HGF: variants seen among roughly 807,000 people sequenced by gnomAD.
The protein encoded by HGF is fibroblast-derived tumor cytotoxic factor.
A neutral mutation model predicts 111.6 loss-of-function variants in HGF; 39 were observed. The observed-to-expected ratio is 0.35, with a 90% CI of 0.27 to 0.46. The LOEUF (loss-of-function observed/expected upper bound fraction) is 0.46, where lower values mean the gene tolerates loss of function less well. Among genes scored for constraint, HGF ranks in the 20% least tolerant of loss-of-function variants. The pLI, the probability that HGF is intolerant of heterozygous loss-of-function variation, is 1.00. For missense variants in HGF, 735 were observed against 910.5 expected, an observed-to-expected ratio of 0.81 and a Z score of 2.48; for synonymous variants, 285 against 294.8, an observed-to-expected ratio of 0.97 and a Z score of 0.34.
chr7:81,749,932 G>T (rs1472668194), intron 5 of HGF, among the ~76,000 whole-genome samples: 1 of 151,862 alleles, frequency 6.6e-6, no homozygotes, highest in Non-Finnish European at 1.5e-5. Flanking sequence ...GATTATGGGT[G>T]TTTTTCTTGT....
intron 17 of HGF, among the ~76,000 whole-genome samples, chr7:81,704,356 G>A (rs1049709766): frequency 2.6e-5 from 4 of 151,588 alleles, no homozygotes; most frequent in African/African-American, 9.7e-5. Context: ...AGAAACTTCT[G>A]TGTTTCCCGG....
intron 8 of HGF, among the ~76,000 whole-genome samples, chr7:81,728,514 T>TGG (rs1790079526): frequency 1.3e-5 from 2 of 152,228 alleles, no homozygotes; most frequent in Admixed American, 1.3e-4. Flanking sequence ...TTTTCTACTT[T>TGG]GATATGTATT....
At chr7:81,736,879 A>C in intron 7 of HGF, 1 of 368,850 alleles carries the variant, frequency 2.7e-6, no homozygotes, top group South Asian at 2.0e-5. Context: ...AGGGTTTTTA[A>C]TTTATGTGTA....
At chr7:81,726,121 T>A in intron 8 of HGF, 104 bp from the exon 9 acceptor site, 3 of 1,191,730 alleles carry the variant, frequency 2.5e-6, no homozygotes, top group Non-Finnish European at 3.7e-6. Context: ...TGTTTATAAA[T>A]AGAGTTCTAA....
At chr7:81,743,270 T>A in intron 7 of HGF, 83 bp downstream of exon 7, 2 of 841,544 alleles carry the variant, frequency 2.4e-6, no homozygotes, top group Non-Finnish European at 4.2e-6. Context: ...GTTAAATAGT[T>A]GTTAACCTGT....
chr7:81,740,166 A>G (rs1351164798), intron 7 of HGF, among the ~76,000 whole-genome samples: 1 of 152,214 alleles, frequency 6.6e-6, no homozygotes, highest in East Asian at 1.9e-4. Context: ...TAATACAGTT[A>G]GTATATGATA....
chr7:81,765,467 T>C (rs1191124169), intron 1 of HGF, among the ~76,000 whole-genome samples: 1 of 152,080 alleles, frequency 6.6e-6, no homozygotes, highest in African/African-American at 2.4e-5. Context: ...CTTTACTAGA[T>C]AACAAATAGA....
At chr7:81,720,935 A>G in intron 9 of HGF, 88 bp from the exon 10 acceptor site, 1 of 777,844 alleles carries the variant, frequency 1.3e-6, no homozygotes, top group Non-Finnish European at 2.3e-6. Flanking sequence ...GAATCATGAA[A>G]TCAACATAAA....
chr7:81,764,069 C>G (rs1789233438), intron 1 of HGF, among the ~76,000 whole-genome samples: 2 of 152,094 alleles, frequency 1.3e-5, no homozygotes, highest in African/African-American at 4.8e-5. Flanking sequence ...GATAGTAGAG[C>G]AGGAAATACA....
chr7:81,743,584 G>A, intron 6 of HGF, 113 bp from the exon 7 acceptor site: 1 of 788,680 alleles, frequency 1.3e-6, no homozygotes, highest in Non-Finnish European at 2.3e-6. Context: ...TGGGGAAAGA[G>A]GACGTTTTCT....
intron 7 of HGF, among the ~76,000 whole-genome samples, chr7:81,739,496 A>C (rs897306678): frequency 2.6e-5 from 4 of 152,172 alleles, no homozygotes; most frequent in African/African-American, 9.7e-5. Context: ...TACTCCATAA[A>C]TTATAAACAG....
At chr7:81,742,648 G>A (rs1788051334) in intron 7 of HGF, 1 of 1,159,116 alleles carries the variant, frequency 8.6e-7, no homozygotes, top group Admixed American at 3.6e-5. Flanking sequence ...CTTAACCATA[G>A]AGGAGAGGAC....
chr7:81,764,390 T>C (rs956384269), intron 1 of HGF, among the ~76,000 whole-genome samples: 21 of 152,228 alleles, frequency 1.4e-4, no homozygotes, highest in African/African-American at 4.8e-4. Flanking sequence ...TCATTTTTAA[T>C]TTTGCTTTGC....
chr7:81,747,886 T>G (rs983259243), intron 5 of HGF, among the ~76,000 whole-genome samples: 1 of 152,056 alleles, frequency 6.6e-6, no homozygotes, highest in Non-Finnish European at 1.5e-5. Context: ...TGAGCCGAGA[T>G]GGTGCCACTG....
chr7:81,713,989 CGTGTGT>C (rs10539468), intron 11 of HGF, among the ~76,000 whole-genome samples: 3,464 of 142,360 alleles, frequency 0.024, 60 homozygotes, highest in Middle Eastern at 0.089. Flanking sequence ...GGTGTGTGTG[CGTGTGT>C]GTGTGTGTGT....
chr7:81,705,335 C>A (rs187442152), intron 17 of HGF, 55 bp downstream of exon 17: 1 of 1,536,278 alleles, frequency 6.5e-7, no homozygotes, highest in Non-Finnish European at 9.0e-7. Context: ...AAAAAATAAA[C>A]ATGAAACACT....
intron 9 of HGF, among the ~76,000 whole-genome samples, chr7:81,721,113 G>A (rs752268110): frequency 3.5e-4 from 54 of 152,282 alleles, no homozygotes; most frequent in Non-Finnish European, 6.2e-4. Flanking sequence ...CAGGCGTGGT[G>A]GTGGGCGCCT....
chr7:81,713,537 C>A (rs1399359155), intron 11 of HGF, among the ~76,000 whole-genome samples: 271 of 143,876 alleles, frequency 1.9e-3, no homozygotes, highest in African/African-American at 1.9e-3. Flanking sequence ...TACTCTGTCT[C>A]AAAAAAAAAA....
chr7:81,720,906 G>A, intron 9 of HGF, 59 bp from the exon 10 acceptor site: 2 of 936,802 alleles, frequency 2.1e-6, no homozygotes, highest in Non-Finnish European at 3.5e-6. Flanking sequence ...AAAACAAAAA[G>A]GTTTTTTACA....
Sources: gnomAD v4.1 joint callset for allele counts (sites outside exome capture counted in the v4.1 genomes callset) on GRCh38, gnomAD v4.1.1 for gene constraint, MANE v1.5 for transcripts, NCBI Gene and HGNC (gene_info 2026-07-23, HGNC 2026-07-21) for gene names.